Variants in PTPRU observed in about 807,000 individuals in gnomAD.
The protein encoded by PTPRU is receptor-type tyrosine-protein phosphatase U.
PTPRU carries 69 observed loss-of-function variants against 166.3 expected under a neutral mutation model. The ratio of observed to expected loss-of-function variants is 0.41; its 90% CI spans 0.34 to 0.51. The LOEUF is 0.51. PTPRU is among the 20% of genes least tolerant of loss of function. The pLI is 0.09. For missense variants in PTPRU, 1,657 were observed against 2,013.7 expected, an observed-to-expected ratio of 0.82 and a Z score of 3.39; for synonymous variants, 793 against 814.0, an observed-to-expected ratio of 0.97 and a Z score of 0.44.
Position 29,275,518 on chromosome 1 carries a change from A to G in PTPRU, c.1215A>G (p.Glu405=). ...IQARQLTLQW[E]PLGYNVTRCH... ...CCCGTCAGCTGACCCTGCAGTGGGA[A>G]CCACTGGGCTACAACGTGACGCGTT... Residue 405 remains glutamate, a synonymous_variant, in exon 8 of 30, where the codon GAA becomes GAG. Transcript: ENST00000373779. 6.2e-6 allele frequency: 10 copies of G among 1,614,080 alleles called. No homozygotes were observed. The highest frequency in any genetic ancestry group is 8.5e-6 in the Non-Finnish European group (10 of 1,179,942).
At chr1:29,301,251 G>T (rs565665069) in intron 15 of PTPRU, among the ~76,000 whole-genome samples, 5 of 152,180 alleles carry the variant, frequency 3.3e-5, no homozygotes, top group African/African-American at 1.2e-4. Context: ...AATGGACCAC[G>T]TATACCATGG....
At chr1:29,285,313 C>T (rs1182732844) in intron 14 of PTPRU, among the ~76,000 whole-genome samples, 2 of 152,200 alleles carry the variant, frequency 1.3e-5, no homozygotes, top group Non-Finnish European at 2.9e-5. Context: ...ACCAAGGGCC[C>T]TGAGCCATGG....
intron 14 of PTPRU, among the ~76,000 whole-genome samples, chr1:29,289,349 G>A (rs946040045): frequency 6.6e-6 from 1 of 152,142 alleles, no homozygotes; most frequent in African/African-American, 2.4e-5. Flanking sequence ...CCATGTATGA[G>A]TGTGTATGTG....
intron 7 of PTPRU, among the ~76,000 whole-genome samples, chr1:29,266,010 GTTTTTTTT>G (rs34163524): frequency 3.8e-5 from 3 of 79,198 alleles, no homozygotes; most frequent in African/African-American, 1.3e-4. Context: ...TTTCTCCTGG[GTTTTTTTT>G]TTTTTTTTTT....
intron 14 of PTPRU, among the ~76,000 whole-genome samples, chr1:29,290,835 A>G (rs1012383601): frequency 1.3e-5 from 2 of 152,260 alleles, no homozygotes; most frequent in African/African-American, 2.4e-5. Context: ...CAACAGCATT[A>G]GGTGTCCCTC....
chr1:29,292,450 A>T (rs1376333534), intron 15 of PTPRU, among the ~76,000 whole-genome samples: 1 of 152,046 alleles, frequency 6.6e-6, no homozygotes, highest in East Asian at 1.9e-4. Flanking sequence ...AGCCCTCTGG[A>T]TGTCTGTTTC....
chr1:29,315,375 G>A lies in PTPRU; in HGVS notation c.3231G>A (p.Ala1077=), dbSNP rs1195031795. 21 of 1,613,958 alleles carry A rather than the reference G, an allele frequency of 1.3e-5. No homozygotes were observed. The highest frequency in any genetic ancestry group is 1.8e-5 in the Non-Finnish European group (21 of 1,180,016). ...DAGPIVIHCS[A]GTGRTGCYIV... is the part of the protein sequence containing the mutation. Reference sequence around the variant, plus strand: ...TCTGGGGCTGCTCTCTCTCCAGCGCGGGCACCGGCCGCACAGGTTGCTATA... The same window carrying A: ...TCTGGGGCTGCTCTCTCTCCAGCGCAGGCACCGGCCGCACAGGTTGCTATA... The change falls in exon 23 of 30, where the codon GCG becomes GCA. Residue 1077 remains alanine (A), a synonymous_variant. Coordinates refer to ENST00000373779, the MANE Select transcript of PTPRU (RefSeq NM_133178.4). This position sits in a 1 kb window ranked among gnomAD's most constrained non-coding sequence, Gnocchi z 4.5.
chr1:29,305,714 G>A, intron 18 of PTPRU: 1 of 580,298 alleles, frequency 1.7e-6, no homozygotes, highest in Non-Finnish European at 3.3e-6. Context: ...AGGAAGGCGG[G>A]AGGCATGGAG....
rs780322316 is a variant in PTPRU at position 29,282,709 on chromosome 1, G to A, written c.1902G>A (p.Ala634=). Residue 634 remains alanine, a synonymous_variant, in exon 12 of 30, where the codon GCG becomes GCA. Transcript: ENST00000373779. Reference sequence around the variant, plus strand: ...AGGTGATTGTGGAGGAGGAGCGGGCGCGGAGGCTGCGGCGGGAGCCAGGTG... The same window carrying A: ...AGGTGATTGTGGAGGAGGAGCGGGCACGGAGGCTGCGGCGGGAGCCAGGTG... ...VYQVIVEEER[A]RRLRREPGGQ... is the part of the protein sequence containing the mutation. 4 of 1,613,262 alleles carry A rather than the reference G, an allele frequency of 2.5e-6. 1 individual carries two copies. Among genetic ancestry groups the A allele is most frequent in the South Asian group, 2.2e-5 (2 of 91,024 alleles).
Position 29,283,051 on chromosome 1 carries a change from C to A in PTPRU, c.2142+102C>A, listed in dbSNP as rs1481523752. The A allele has an allele frequency of 2.0e-6, 3 of 1,487,534 alleles. No homozygotes were observed. The African/African-American group carries it at 4.1e-5, about 21-fold the overall frequency. 92.1% of individuals were successfully genotyped at this position (1,487,534 alleles called of 1,614,324 possible). A position where few individuals can be genotyped will look rare whatever the true frequency, so the allele number is the denominator to read the frequency against. On this transcript the variant is annotated intron_variant, in intron 12 of 29. Coordinates refer to ENST00000373779, the MANE Select transcript of PTPRU (RefSeq NM_133178.4). Reference sequence around the variant, plus strand: ...CCCAGCGCAGACTCCAGGCCCGGCACTTCCCATAGCCCCACCTCCCATAGC... The same window carrying A: ...CCCAGCGCAGACTCCAGGCCCGGCAATTCCCATAGCCCCACCTCCCATAGC...
At position 29,316,011 on chromosome 1, in the gene PTPRU, A is replaced by G. The variant is rs1187844671; in HGVS notation, c.3373A>G (p.Ile1125Val). The G allele has an allele frequency of 6.2e-7, 1 of 1,613,872 alleles. No homozygotes were observed. Among genetic ancestry groups the G allele is most frequent in the African/African-American group, 1.3e-5 (1 of 74,880 alleles). The change falls in exon 24 of 30, where the codon ATC becomes GTC. Residue 1125 changes from isoleucine to valine, a missense_variant. Ile to Val is a conservative substitution (Grantham distance 29). This residue lies in a region of PTPRU where 1,190 missense variants were observed against 1,477.4 expected (regional missense o/e 0.81). Transcript: ENST00000373779. ...TCATCTCCTGTTCCAGGAGCAGTACATCTTCATTCATGATGCAATCCTGGA... is the reference window on the plus strand; with the variant it reads ...TCATCTCCTGTTCCAGGAGCAGTACGTCTTCATTCATGATGCAATCCTGGA... ...VNMIQTEEQYIFIHDAILEAC... is the reference protein window; with the variant it reads ...VNMIQTEEQYVFIHDAILEAC...
At chr1:29,263,016 C>T (rs1445188853) in intron 7 of PTPRU, among the ~76,000 whole-genome samples, 1 of 152,112 alleles carries the variant, frequency 6.6e-6, no homozygotes, top group Non-Finnish European at 1.5e-5. Flanking sequence ...GACGGAGTTT[C>T]ACTCTGTCGC....
Position 29,311,230 on chromosome 1 carries a change from T to C in PTPRU, c.2858-226T>C. On this transcript the variant is annotated intron_variant, in intron 19 of 29. Coordinates refer to ENST00000373779, the MANE Select transcript of PTPRU (RefSeq NM_133178.4). This position sits in a 1 kb window ranked among gnomAD's most constrained non-coding sequence, Gnocchi z 4.1. ...CATCTGGTCCTCCTCCAGGGTCCCA[T>C]TCAGGATGAGCGGGCTCTTTAGCCA... 1 of 596,778 alleles carries C rather than the reference T, an allele frequency of 1.7e-6. No homozygotes were observed. Among genetic ancestry groups the C allele is most frequent in the Non-Finnish European group, 3.0e-6 (1 of 335,324 alleles). 37.0% of individuals were successfully genotyped at this position (596,778 alleles called of 1,614,324 possible).
chr1:29,303,932 G>C lies in PTPRU; in HGVS notation c.2554G>C (p.Gly852Arg). The change falls in exon 16 of 30, where the codon GGC (glycine) becomes CGC (arginine). Residue 852 changes from glycine (G) to arginine (R), a missense_variant. Gly to Arg is a moderately radical substitution (Grantham distance 125, BLOSUM62 -2). Transcript: ENST00000373779. ...GSPRRPCGRK[G>R]SPYHTGQLHP... ...CCCGAGGCGTCCCTGTGGCCGGAAG[G>C]GCTCCCCATACCACACGGGGCAGCT... 6.2e-7 allele frequency: 1 copy of C among 1,614,018 alleles called. No individual in the cohort carries two copies.
In PTPRU at chr1:29,260,083, CT is replaced by C. The variant is rs1225565752; in HGVS notation, c.850+40del. 7.4e-7 allele frequency: 1 copy of C among 1,349,886 alleles called. No individual in the cohort carries two copies. The highest frequency in any genetic ancestry group is 1.5e-5 in the African/African-American group (1 of 64,784). The allele number at this position is 1,349,886 out of a possible 1,614,324, so 83.6% of individuals were successfully genotyped here. A position where few individuals can be genotyped will look rare whatever the true frequency, so the allele number is the denominator to read the frequency against. ...CGCCGGGGAGCGCCGGGACCTCACC[CT>C]CGAGGGGCGGGGCCGGCGACGGGGG... On this transcript the variant is annotated intron_variant, in intron 6 of 29. Coordinates refer to ENST00000373779, the MANE Select transcript of PTPRU (RefSeq NM_133178.4). This position sits in a 1 kb window ranked among gnomAD's most constrained non-coding sequence, Gnocchi z 8.3.
chr1:29,246,671 A>C (rs1007521110), intron 1 of PTPRU, among the ~76,000 whole-genome samples: 10 of 151,756 alleles, frequency 6.6e-5, no homozygotes, highest in African/African-American at 2.4e-4. Context: ...GCTGGAGTGC[A>C]ATGGAGCGGT....
chr1:29,322,625 G>C (rs1302043110), intron 26 of PTPRU, among the ~76,000 whole-genome samples: 1 of 152,120 alleles, frequency 6.6e-6, no homozygotes, highest in Non-Finnish European at 1.5e-5. Flanking sequence ...TGGTCAGAGG[G>C]GATTGATGAG....
chr1:29,324,155 TCCATCCATCCAC>T (rs1033441981), intron 28 of PTPRU, among the ~76,000 whole-genome samples: 32 of 152,200 alleles, frequency 2.1e-4, no homozygotes, highest in Non-Finnish European at 4.3e-4. Flanking sequence ...TTTCCATCCA[TCCATCCATCCAC>T]CCATCCATCC....
Position 29,326,187 on chromosome 1 carries a change from G to T in PTPRU, c.*526G>T. 1 of 288,894 alleles carries T rather than the reference G, an allele frequency of 3.5e-6. No homozygotes were observed. Among genetic ancestry groups the T allele is most frequent in the South Asian group, 1.7e-4 (1 of 6,038 alleles). 17.9% of individuals were successfully genotyped at this position (288,894 alleles called of 1,614,324 possible). On this transcript the variant is annotated 3_prime_UTR_variant, in exon 30 of 30. Transcript: ENST00000373779. ...GTCTCAATTCTGAATAGCCAGTGGG[G>T]CACACTGACTGTCCTCCCCAGGGGA...
Sources: gnomAD v4.1 joint callset for allele counts (sites outside exome capture counted in the v4.1 genomes callset) on GRCh38, gnomAD v4.1.1 for gene constraint, gnomAD v4.1.1 regional missense constraint, Gnocchi (gnomAD v3.1) non-coding constraint, MANE v1.5 for transcripts, NCBI Gene and HGNC (gene_info 2026-07-23, HGNC 2026-07-21) for gene names.